The following SLC39A10 variants were observed in gnomAD, a reference collection of about 807,000 sequenced individuals.
SLC39A10 encodes solute carrier family 39 member 10.
Under a neutral mutation model 65.1 loss-of-function variants are expected in SLC39A10, and 13 were observed. The ratio of observed to expected loss-of-function variants is 0.20; its 90% confidence interval spans 0.13 to 0.32. The LOEUF (loss-of-function observed/expected upper bound fraction) is 0.32. Among genes scored for constraint, SLC39A10 ranks in the 10% least tolerant of loss-of-function variants. The probability of loss-of-function intolerance (pLI) is 1.00; values close to 1 mark genes in which losing one functional copy is unlikely to be tolerated. For synonymous variants in SLC39A10, 321 were observed against 342.2 expected (o/e 0.94, Z 0.68); for missense variants, 831 against 1,018.4 (o/e 0.82, Z 2.50).
chr2:195,633,375 A>G (rs1574206167), intron 2 of SLC39A10, among the ~76,000 whole-genome samples: 2 of 152,348 alleles, frequency 1.3e-5, no homozygotes, highest in Middle Eastern at 6.8e-3. Flanking sequence ...TCCATGTGGG[A>G]CCCGAGGCAG....
intron 3 of SLC39A10, among the ~76,000 whole-genome samples, chr2:195,690,691 G>T (rs944337633): frequency 6.6e-6 from 1 of 152,044 alleles, no homozygotes; most frequent in African/African-American, 2.4e-5. Context: ...GCCTATTACA[G>T]TTCTTTGCCC....
chr2:195,620,687 G>A (rs1688331217), intron 2 of SLC39A10, among the ~76,000 whole-genome samples: 1 of 152,168 alleles, frequency 6.6e-6, no homozygotes, highest in East Asian at 1.9e-4. Context: ...CATCTACACT[G>A]TCAGCGCCCC....
intron 2 of SLC39A10, among the ~76,000 whole-genome samples, chr2:195,624,255 C>T (rs1335166406): frequency 2.0e-5 from 3 of 151,338 alleles, no homozygotes; most frequent in South Asian, 2.1e-4. Flanking sequence ...GGTATGCTGG[C>T]GGGCGCCTGT....
chr2:195,625,299 G>A (rs543916563), intron 2 of SLC39A10, among the ~76,000 whole-genome samples: 5 of 150,576 alleles, frequency 3.3e-5, no homozygotes, highest in African/African-American at 1.2e-4. Flanking sequence ...TTTTGAGACG[G>A]AGTTTCGCTC....
At chr2:195,660,900 A>G (rs1379300671) in intron 1 of SLC39A10, among the ~76,000 whole-genome samples, 1 of 152,202 alleles carries the variant, frequency 6.6e-6, no homozygotes, top group Non-Finnish European at 1.5e-5. Flanking sequence ...ATAAAGTTTG[A>G]AAGTGTTAAA....
intron 2 of SLC39A10, among the ~76,000 whole-genome samples, chr2:195,640,846 G>A (rs191200591): frequency 6.6e-6 from 1 of 152,250 alleles, no homozygotes; most frequent in Admixed American, 6.5e-5. Context: ...GAGAGAGTTG[G>A]GGTGTTGCTT....
chr2:195,701,435 C>CTTTTTTT (rs66525117), intron 3 of SLC39A10, among the ~76,000 whole-genome samples: 18 of 5,496 alleles, frequency 3.3e-3, no homozygotes, highest in Admixed American at 5.8e-3. Flanking sequence ...TTCTGTGATT[C>CTTTTTTT]TTTTTTTTTT....
At chr2:195,665,047 G>C (rs1230679065) in intron 1 of SLC39A10, among the ~76,000 whole-genome samples, 1 of 152,110 alleles carries the variant, frequency 6.6e-6, no homozygotes, top group Admixed American at 6.5e-5. Flanking sequence ...TGTGAGGTCG[G>C]GCACGGTGGC....
chr2:195,681,631 A>AT (rs1383468418), intron 2 of SLC39A10, among the ~76,000 whole-genome samples: 10 of 151,898 alleles, frequency 6.6e-5, no homozygotes, highest in African/African-American at 2.2e-4. Flanking sequence ...TTTTTAAGAA[A>AT]TTTTTTTTTG....
At chr2:195,708,598 A>G (rs1691491580) in intron 4 of SLC39A10, 58 bp from the exon 5 acceptor site, 7 of 1,340,386 alleles carry the variant, frequency 5.2e-6, no homozygotes, top group African/African-American at 1.5e-5. Flanking sequence ...TATAATTTCA[A>G]AATTTTAAAT....
chr2:195,730,983 C>T (rs1353171037), intron 9 of SLC39A10, among the ~76,000 whole-genome samples: 2 of 152,190 alleles, frequency 1.3e-5, no homozygotes, highest in African/African-American at 4.8e-5. Flanking sequence ...ATCCAAGCCA[C>T]CACCATCTTT....
At chr2:195,677,760 T>G (rs562450151) in intron 1 of SLC39A10, among the ~76,000 whole-genome samples, 4 of 150,658 alleles carry the variant, frequency 2.7e-5, no homozygotes, top group Non-Finnish European at 5.9e-5. Context: ...TTTTTTTTTT[T>G]TTTTTTTTGA....
chr2:195,686,890 A>G (rs556055693), intron 3 of SLC39A10, among the ~76,000 whole-genome samples: 1 of 152,342 alleles, frequency 6.6e-6, no homozygotes, highest in African/African-American at 2.4e-5. Flanking sequence ...GTGGCAGAGA[A>G]ATGAGGCCAG....
chr2:195,656,108 C>G (rs954655547), upstream of SLC39A10, among the ~76,000 whole-genome samples: 3 of 152,114 alleles, frequency 2.0e-5, no homozygotes, highest in African/African-American at 7.2e-5. Context: ...TACTGCTGTT[C>G]ATGGTTTTAT....
chr2:195,733,468 C>T (rs1434862352), intron 9 of SLC39A10, among the ~76,000 whole-genome samples: 1 of 152,078 alleles, frequency 6.6e-6, no homozygotes, highest in African/African-American at 2.4e-5. Context: ...TATTTTGAAT[C>T]TACAGATTAT....
At position 195,737,566 on chromosome 2, in the gene SLC39A10, A is replaced by G. The variant is rs1235016585; in HGVS notation, c.*2525A>G. On this transcript the variant is annotated 3_prime_UTR_variant, in exon 10 of 10. Transcript: ENST00000359634. Reference sequence around the variant, plus strand: ...ACTTTTGTTTTGTTTTAACTGAATCATTTTTTAACTTAAAAAGCTGGAAAA... The same window carrying G: ...ACTTTTGTTTTGTTTTAACTGAATCGTTTTTTAACTTAAAAAGCTGGAAAA... The G allele has an allele frequency of 5.7e-5, 10 of 176,730 alleles. No individual in the cohort carries two copies. Among genetic ancestry groups the G allele is most frequent in the Admixed American group, 1.7e-4 (3 of 17,742 alleles). 10.9% of individuals were successfully genotyped at this position (176,730 alleles called of 1,614,324 possible). A position where few individuals can be genotyped will look rare whatever the true frequency, so the allele number is the denominator to read the frequency against.
rs34889175 is a variant in SLC39A10, at chr2:195,736,323, T to TAATA, written c.*1284_*1287dup. On this transcript the variant is annotated 3_prime_UTR_variant, in exon 10 of 10. Transcript: ENST00000359634. ...GCCATGTTTATCCTGAATTTTTACT[T>TAATA]AATAATTTGTATTACTAGTCATATG... 27 of 165,234 alleles carry TAATA rather than the reference T, an allele frequency of 1.6e-4. No individual in the cohort carries two copies. The highest frequency in any genetic ancestry group is 6.3e-4 in the African/African-American group (26 of 41,462). The allele number at this position is 165,234 out of a possible 1,614,324, so 10.2% of individuals were successfully genotyped here. A position where few individuals can be genotyped will look rare whatever the true frequency, so the allele number is the denominator to read the frequency against.
chr2:195,624,092 T>A (rs1476068921), intron 2 of SLC39A10, among the ~76,000 whole-genome samples: 3 of 152,068 alleles, frequency 2.0e-5, no homozygotes, highest in Non-Finnish European at 4.4e-5. Context: ...TATTTGTATA[T>A]AAAGAAGGCC....
At chr2:195,724,913 T>C (rs141211353) in intron 8 of SLC39A10, among the ~76,000 whole-genome samples, 6 of 152,060 alleles carry the variant, frequency 3.9e-5, no homozygotes, top group Non-Finnish European at 8.8e-5. Flanking sequence ...ATCAAAACAG[T>C]TGGAATTGGT....
Sources: allele counts gnomAD v4.1 joint callset (sites outside exome capture counted in the v4.1 genomes callset), GRCh38; gene constraint gnomAD v4.1.1; transcripts MANE v1.5; gene names NCBI Gene and HGNC (gene_info 2026-07-23, HGNC 2026-07-21).